Variants in ELOVL6 observed in about 807,000 individuals in gnomAD.
The protein encoded by ELOVL6 is ELOVL fatty acid elongase 6.
In ELOVL6, 8 loss-of-function variants were observed where a neutral mutation model predicts 31.7. That is an observed-to-expected ratio of 0.25 (90% CI 0.15 to 0.45). The LOEUF (loss-of-function observed/expected upper bound fraction) is 0.45. ELOVL6 is among the 20% of genes least tolerant of loss of function. The pLI is 1.00. For synonymous variants in ELOVL6, 101 were observed against 117.7 expected (o/e 0.86, Z 0.92); for missense variants, 126 against 326.4 (o/e 0.39, Z 4.73).
rs1177232190 is a variant in ELOVL6, at chr4:110,051,701, G to A, written c.435C>T (p.His145=). Residue 145 remains histidine (H), a synonymous_variant, in exon 4 of 4, where the codon CAC becomes CAT. Transcript: ENST00000302274. The surrounding 1 kb of genome is among the most constrained non-coding windows in gnomAD (Gnocchi z 4.8). ...QKLIFLHWYH[H]ITVLLYSWYS... ...ACCAAGAGTACAGGAGCACAGTGATGTGGTGATACCAGTGCAGGAAGATCA... is the reference window on the plus strand; with the variant it reads ...ACCAAGAGTACAGGAGCACAGTGATATGGTGATACCAGTGCAGGAAGATCA... 1.2e-6 allele frequency: 2 copies of A among 1,614,132 alleles called. No homozygotes were observed. The highest frequency in any genetic ancestry group is 2.2e-5 in the East Asian group (1 of 44,858).
At chr4:110,158,657 A>ATATATATATATATATATATATATTTTT in intron 1 of ELOVL6, among the ~76,000 whole-genome samples, 1 of 74,160 alleles carries the variant, frequency 1.3e-5, no homozygotes, top group Non-Finnish European at 2.3e-5. Flanking sequence ...ATATATATAT[A>ATATATATATATATATATATATATTTTT]TTTTTTTTTT....
intron 2 of ELOVL6, among the ~76,000 whole-genome samples, chr4:110,099,753 C>T (rs1308134543): frequency 5.3e-5 from 8 of 152,170 alleles, no homozygotes; most frequent in Admixed American, 4.6e-4. Context: ...GAATCAGAAG[C>T]ACACACACCT....
chr4:110,082,974 G>A (rs1386220216), intron 2 of ELOVL6, among the ~76,000 whole-genome samples: 1 of 149,792 alleles, frequency 6.7e-6, no homozygotes, highest in Non-Finnish European at 1.5e-5. Context: ...TGAAGATGGA[G>A]ACAAGAATCT....
At chr4:110,111,321 C>T (rs1189217307) in intron 1 of ELOVL6, among the ~76,000 whole-genome samples, 1 of 150,382 alleles carries the variant, frequency 6.6e-6, no homozygotes, top group African/African-American at 2.4e-5. Context: ...ATACTTAAAT[C>T]GGCAGGTTAT....
At chr4:110,114,406 C>T (rs939132409) in intron 1 of ELOVL6, among the ~76,000 whole-genome samples, 23 of 152,070 alleles carry the variant, frequency 1.5e-4, no homozygotes, top group Middle Eastern at 3.4e-3. Flanking sequence ...TATAGAATCT[C>T]AAGATTGGAA....
chr4:110,105,571 G>A lies in ELOVL6; in HGVS notation c.147C>T (p.His49=). The stretch of plus-strand genomic sequence containing the variant: ...CAAACTTTGCTCGTTTATTCATTAG[G>A]TGCCGACCACCGAATATAAAGGCAG... The part of the protein sequence containing the change: ...LYAAFIFGGR[H]LMNKRAKFEL... Residue 49 remains histidine, a synonymous_variant, in exon 2 of 4, where the codon CAC becomes CAT. Transcript: ENST00000302274. 2 of 1,613,632 alleles carry A rather than the reference G, an allele frequency of 1.2e-6. No homozygotes were observed.
At chr4:110,075,904 AC>A (rs1755613211) in intron 2 of ELOVL6, among the ~76,000 whole-genome samples, 1 of 152,204 alleles carries the variant, frequency 6.6e-6, no homozygotes, top group African/African-American at 2.4e-5. Context: ...AAATGTTGGG[AC>A]AAAAAAAAGT....
intron 1 of ELOVL6, among the ~76,000 whole-genome samples, chr4:110,168,708 G>C (rs1339813709): frequency 6.6e-6 from 1 of 152,070 alleles, no homozygotes; most frequent in Non-Finnish European, 1.5e-5. Flanking sequence ...GCCAAAGCAG[G>C]AGAGACCCAG....
chr4:110,107,301 G>A (rs925786513), intron 1 of ELOVL6, among the ~76,000 whole-genome samples: 1 of 151,998 alleles, frequency 6.6e-6, no homozygotes, highest in Admixed American at 6.6e-5. Context: ...TCTTCTCTTG[G>A]GCCCACAAGA....
At chr4:110,124,261 G>A (rs2126254983) in intron 1 of ELOVL6, among the ~76,000 whole-genome samples, 1 of 152,312 alleles carries the variant, frequency 6.6e-6, no homozygotes, top group Non-Finnish European at 1.5e-5. Flanking sequence ...GCATACGTAT[G>A]TTTACTGCAG....
At chr4:110,150,863 T>C (rs907750598) in intron 1 of ELOVL6, among the ~76,000 whole-genome samples, 5 of 151,976 alleles carry the variant, frequency 3.3e-5, no homozygotes, top group East Asian at 3.9e-4. Context: ...GCCAACATGG[T>C]GAAACTCTGT....
chr4:110,103,043 G>A (rs533342337), intron 2 of ELOVL6, among the ~76,000 whole-genome samples: 1 of 152,234 alleles, frequency 6.6e-6, no homozygotes, highest in African/African-American at 2.4e-5. Flanking sequence ...CTTATCAGGG[G>A]TTTCCACTTT....
intron 2 of ELOVL6, among the ~76,000 whole-genome samples, chr4:110,079,310 C>G (rs1755757580): frequency 6.6e-6 from 1 of 152,188 alleles, no homozygotes; most frequent in Non-Finnish European, 1.5e-5. Flanking sequence ...CCACACCACA[C>G]CCATTACAAA....
Position 110,093,069 on chromosome 4 carries a change from C to T in ELOVL6, c.221+12428G>A, listed in dbSNP as rs144276007. On this transcript the variant is annotated intron_variant, in intron 2 of 3. Coordinates refer to ENST00000302274, the MANE Select transcript of ELOVL6 (RefSeq NM_024090.3). Reference sequence around the variant, plus strand: ...CTATGGTATTCCAGCTATTTAAATACTATCCCATTTTGGTAAAACGATTTA... The same window carrying T: ...CTATGGTATTCCAGCTATTTAAATATTATCCCATTTTGGTAAAACGATTTA... The T allele has an allele frequency of 8.3e-5, 37 of 444,882 alleles. No individual in the cohort carries two copies. In the East Asian group the frequency reaches 2.5e-3, roughly 30 times the overall value. The allele number at this position is 444,882 out of a possible 1,614,324, so 27.6% of individuals were successfully genotyped here.
intron 2 of ELOVL6, among the ~76,000 whole-genome samples, chr4:110,084,582 A>ATTTT (rs1756179383): frequency 2.2e-4 from 12 of 54,486 alleles, no homozygotes; most frequent in African/African-American, 1.5e-3. Flanking sequence ...ATATATATAT[A>ATTTT]TATATATTTT....
At chr4:110,105,462 G>T (rs1378239721) in intron 2 of ELOVL6, 35 bp downstream of exon 2, 3 of 1,571,702 alleles carry the variant, frequency 1.9e-6, no homozygotes, top group Middle Eastern at 1.7e-4. Context: ...GTGATAAAAT[G>T]GATACGTTTT....
At chr4:110,158,310 AAT>A (rs1260742007) in intron 1 of ELOVL6, among the ~76,000 whole-genome samples, 1 of 152,136 alleles carries the variant, frequency 6.6e-6, no homozygotes, top group East Asian at 1.9e-4. Context: ...TCTATAATTC[AAT>A]AAACCCCATT....
At chr4:110,158,757 T>G (rs1166363610) in intron 1 of ELOVL6, among the ~76,000 whole-genome samples, 1 of 148,922 alleles carries the variant, frequency 6.7e-6, no homozygotes, top group Admixed American at 6.8e-5. Context: ...ACCTCCCAAG[T>G]TCAAGGGATT....
intron 2 of ELOVL6, among the ~76,000 whole-genome samples, chr4:110,094,628 A>G (rs1376215398): frequency 6.6e-6 from 1 of 151,092 alleles, no homozygotes; most frequent in African/African-American, 2.4e-5. Flanking sequence ...AGGAGGCAAG[A>G]GTGGCTGAGG....
Sources: allele counts gnomAD v4.1 joint callset (sites outside exome capture counted in the v4.1 genomes callset), GRCh38; gene constraint gnomAD v4.1.1; non-coding constraint Gnocchi (gnomAD v3.1); transcripts MANE v1.5; gene names NCBI Gene and HGNC (gene_info 2026-07-23, HGNC 2026-07-21).